PALM2AKAP2: variants seen among roughly 807,000 people sequenced by gnomAD.
PALM2AKAP2 encodes the protein PALM2-AKAP2 fusion protein.
Under a neutral mutation model 71.5 loss-of-function variants are expected in PALM2AKAP2, and 37 were observed. That is an observed-to-expected ratio of 0.52 (90% CI 0.40 to 0.68). PALM2AKAP2 has a LOEUF of 0.68. Among genes scored for constraint, PALM2AKAP2 ranks in the 30% least tolerant of loss-of-function variants. The pLI, the probability that PALM2AKAP2 is intolerant of heterozygous loss-of-function variation, is 0.00. For synonymous variants in PALM2AKAP2, 468 were observed against 478.8 expected (o/e 0.98, Z 0.29); for missense variants, 1,224 against 1,191.8 (o/e 1.03, Z -0.40).
intron 2 of PALM2AKAP2, among the ~76,000 whole-genome samples, chr9:110,153,479 C>T (rs1836373054): frequency 6.6e-6 from 1 of 152,248 alleles, no homozygotes; most frequent in South Asian, 2.1e-4. Flanking sequence ...GTCTGTGATT[C>T]TGTAAGCCTA....
intron 1 of PALM2AKAP2, among the ~76,000 whole-genome samples, chr9:109,745,112 A>G (rs1413104467): frequency 6.6e-6 from 1 of 152,164 alleles, no homozygotes; most frequent in Non-Finnish European, 1.5e-5. Context: ...GAGCCCAGCG[A>G]TTTCATAGAA....
intron 1 of PALM2AKAP2, among the ~76,000 whole-genome samples, chr9:109,829,928 A>G (rs1006184166): frequency 6.6e-6 from 1 of 152,218 alleles, no homozygotes; most frequent in Admixed American, 6.5e-5. Flanking sequence ...TGAGAGAAGG[A>G]AAATAATTAC....
At position 110,162,142 on chromosome 9, in the gene PALM2AKAP2, A is replaced by G. The variant is rs776447607; in HGVS notation, c.2748+5645A>G. ...CAAGGTGACTTCCGAGGTACTTTTC[A>G]ATTTGTTTGTCTTGGTCTTACTGAA... On this transcript the variant is annotated intron_variant, in intron 3 of 3. Transcript: ENST00000374525. The G allele has an allele frequency of 1.3e-5, 21 of 1,613,692 alleles. No homozygotes were observed. Among genetic ancestry groups the G allele is most frequent in the Non-Finnish European group, 1.5e-5 (18 of 1,179,876 alleles).
intron 6 of PALM2AKAP2, among the ~76,000 whole-genome samples, chr9:109,967,655 C>T (rs138948155): frequency 0.019 from 2,876 of 152,284 alleles, 54 homozygotes; most frequent in Middle Eastern, 0.037. Flanking sequence ...GGTGATCTGC[C>T]CGCCTTGGCC....
At chr9:109,731,374 A>G (rs546000091) in intron 1 of PALM2AKAP2, among the ~76,000 whole-genome samples, 1 of 152,326 alleles carries the variant, frequency 6.6e-6, no homozygotes, top group Middle Eastern at 3.4e-3. Context: ...TTCATTCGTT[A>G]TCCTGTTGAT....
intron 3 of PALM2AKAP2, among the ~76,000 whole-genome samples, chr9:109,891,377 G>A (rs1830084326): frequency 6.6e-6 from 1 of 152,132 alleles, no homozygotes; most frequent in Non-Finnish European, 1.5e-5. Context: ...TGGTCATTAA[G>A]GTTATGCCAT....
intron 1 of PALM2AKAP2, among the ~76,000 whole-genome samples, chr9:109,762,862 G>A (rs962819773): frequency 6.6e-6 from 1 of 152,176 alleles, no homozygotes; most frequent in Non-Finnish European, 1.5e-5. Context: ...ATTCCCCAGG[G>A]GGTGGAGGGG....
chr9:109,826,554 T>C (rs1273054427), intron 1 of PALM2AKAP2, among the ~76,000 whole-genome samples: 2 of 152,204 alleles, frequency 1.3e-5, no homozygotes, highest in African/African-American at 2.4e-5. Flanking sequence ...TTATGTATAA[T>C]TATACTGTAA....
intron 1 of PALM2AKAP2, among the ~76,000 whole-genome samples, chr9:109,758,510 T>C (rs1394969828): frequency 4.1e-5 from 6 of 146,574 alleles, no homozygotes; most frequent in Non-Finnish European, 9.0e-5. Flanking sequence ...GCCAGCCCAA[T>C]GCATACAAGA....
chr9:109,853,385 G>A (rs1014087000), intron 1 of PALM2AKAP2, among the ~76,000 whole-genome samples: 8 of 152,034 alleles, frequency 5.3e-5, no homozygotes, highest in Non-Finnish European at 1.0e-4. Flanking sequence ...TTCCATAACT[G>A]TATTTTTTCT....
intron 6 of PALM2AKAP2, among the ~76,000 whole-genome samples, chr9:109,956,750 A>T (rs1304145823): frequency 1.3e-5 from 2 of 152,202 alleles, no homozygotes; most frequent in East Asian, 3.8e-4. Context: ...AGAGGTGTCA[A>T]AAACATAGCT....
chr9:109,697,928 C>T (rs1827996205), intron 1 of PALM2AKAP2, among the ~76,000 whole-genome samples: 1 of 152,122 alleles, frequency 6.6e-6, no homozygotes, highest in Non-Finnish European at 1.5e-5. Context: ...GATTTCCTGC[C>T]TCCTTCATAC....
intron 1 of PALM2AKAP2, among the ~76,000 whole-genome samples, chr9:110,101,866 G>C (rs1168948885): frequency 6.6e-6 from 1 of 152,202 alleles, no homozygotes; most frequent in Non-Finnish European, 1.5e-5. Flanking sequence ...CCACTTACGA[G>C]GCAGCCTGTT....
At chr9:110,096,426 A>AATTTATTTATTTATTTATTTATTT (rs71373967) in intron 1 of PALM2AKAP2, among the ~76,000 whole-genome samples, 20,118 of 149,326 alleles carry the variant, frequency 0.13, 1,529 homozygotes, top group Middle Eastern at 0.23. Flanking sequence ...ATTATGCCTG[A>AATTTATTTATTTATTTATTTATTT]ATTTATTTAT....
chr9:109,644,325 C>T (rs1001792289), intron 1 of PALM2AKAP2, among the ~76,000 whole-genome samples: 6 of 152,080 alleles, frequency 3.9e-5, no homozygotes, highest in Admixed American at 1.3e-4. Flanking sequence ...ATTTCATCTC[C>T]GGTAGAAAAG....
At chr9:109,714,861 A>G (rs1828292586) in intron 1 of PALM2AKAP2, among the ~76,000 whole-genome samples, 1 of 152,204 alleles carries the variant, frequency 6.6e-6, no homozygotes, top group Non-Finnish European at 1.5e-5. Context: ...CTAGCCATGA[A>G]GCAAGATACT....
At chr9:110,050,685 T>C (rs1833693801) in intron 1 of PALM2AKAP2, among the ~76,000 whole-genome samples, 1 of 152,156 alleles carries the variant, frequency 6.6e-6, no homozygotes, top group African/African-American at 2.4e-5. Context: ...TGGAGTGCAA[T>C]GGCATGATCT....
upstream of PALM2AKAP2, chr9:109,780,287 A>G (rs1014538635): frequency 2.5e-6 from 3 of 1,220,358 alleles, no homozygotes; most frequent in African/African-American, 4.7e-5. Flanking sequence ...GGCGGCCGGG[A>G]GGGCGGGGGC....
intron 1 of PALM2AKAP2, among the ~76,000 whole-genome samples, chr9:109,654,630 T>A (rs1236961075): frequency 6.6e-6 from 1 of 152,116 alleles, no homozygotes; most frequent in Non-Finnish European, 1.5e-5. Flanking sequence ...TTACTTTAGA[T>A]CTTGAAATTA....
Sources: allele counts gnomAD v4.1 joint callset (sites outside exome capture counted in the v4.1 genomes callset), GRCh38; gene constraint gnomAD v4.1.1; transcripts MANE v1.5; gene names NCBI Gene and HGNC (gene_info 2026-07-23, HGNC 2026-07-21).